The following AVL9 variants were observed in gnomAD, a reference collection of about 807,000 sequenced individuals.
AVL9 encodes late secretory pathway protein AVL9 homolog.
In AVL9, 49 loss-of-function variants were observed where a neutral mutation model predicts 79.2. The observed-to-expected ratio is 0.62, with a 90% CI of 0.49 to 0.79. The LOEUF (loss-of-function observed/expected upper bound fraction) is 0.79, where lower values mean the gene tolerates loss of function less well. Ranked by LOEUF, AVL9 falls within the 30% of genes least tolerant of loss-of-function variation. The pLI, the probability that AVL9 is intolerant of heterozygous loss-of-function variation, is 0.00. For synonymous variants in AVL9, 299 were observed against 280.6 expected, an observed-to-expected ratio of 1.07 and a Z score of -0.65; for missense variants, 682 against 776.8, an observed-to-expected ratio of 0.88 and a Z score of 1.45.
At chr7:32,541,650 T>C (rs1043615181) in intron 1 of AVL9, among the ~76,000 whole-genome samples, 6 of 152,000 alleles carry the variant, frequency 3.9e-5, no homozygotes, top group African/African-American at 1.4e-4. Context: ...GAAACCTGTA[T>C]GATAAATATA....
At chr7:32,540,352 G>A (rs967790687) in intron 1 of AVL9, among the ~76,000 whole-genome samples, 1 of 152,210 alleles carries the variant, frequency 6.6e-6, no homozygotes, top group Admixed American at 6.5e-5. Context: ...AAGATTTTAA[G>A]AAGTGTATGT....
At chr7:32,582,534 C>T (rs192196374) in intron 15 of AVL9, among the ~76,000 whole-genome samples, 39 of 152,224 alleles carry the variant, frequency 2.6e-4, no homozygotes, top group African/African-American at 8.7e-4. Flanking sequence ...AAAAACTATG[C>T]TATATTATAG....
In AVL9 at chr7:32,576,429, C is replaced by T. The variant is rs139954949; in HGVS notation, c.1688+357C>T. Reference sequence around the variant, plus strand: ...CAAGATAGAATCCTAGAAGGAAATACCACTGGTTTACTGCATGAGTAAAAT... The same window carrying T: ...CAAGATAGAATCCTAGAAGGAAATATCACTGGTTTACTGCATGAGTAAAAT... On this transcript the variant is annotated intron_variant, in intron 13 of 15. Coordinates refer to ENST00000318709, the MANE Select transcript of AVL9 (RefSeq NM_015060.3). Among the ~76,000 whole-genome samples the T allele has an allele frequency of 8.5e-5, 13 of 152,288 alleles. No individual in the cohort carries two copies. In the South Asian group the frequency reaches 2.3e-3, roughly 27 times the overall value.
chr7:32,574,713 C>G (rs938503831), intron 12 of AVL9, among the ~76,000 whole-genome samples: 1 of 12,732 alleles, frequency 7.9e-5, no homozygotes, highest in African/African-American at 3.4e-4. Flanking sequence ...AAATGAAGCT[C>G]ACAGAGGTTC....
intron 1 of AVL9, among the ~76,000 whole-genome samples, chr7:32,530,813 G>A (rs1788613162): frequency 6.6e-6 from 1 of 152,116 alleles, no homozygotes; most frequent in East Asian, 1.9e-4. Context: ...AAAATTAGCT[G>A]GGCATGGTGG....
At chr7:32,577,690 A>G (rs1433210308) in intron 13 of AVL9, among the ~76,000 whole-genome samples, 1 of 152,170 alleles carries the variant, frequency 6.6e-6, no homozygotes, top group Non-Finnish European at 1.5e-5. Flanking sequence ...AACCAGCTCT[A>G]TAGATGTTAG....
At chr7:32,562,095 G>A (rs1226072826) in intron 10 of AVL9, among the ~76,000 whole-genome samples, 3 of 152,180 alleles carry the variant, frequency 2.0e-5, no homozygotes, top group Non-Finnish European at 2.9e-5. Flanking sequence ...TAAGGAAAAC[G>A]TGTGAGATGT....
intron 14 of AVL9, 75 bp downstream of exon 14, chr7:32,580,347 ATTGT>A: frequency 2.5e-6 from 3 of 1,205,894 alleles, no homozygotes; most frequent in Non-Finnish European, 3.6e-6. Flanking sequence ...CTAATTGGGA[ATTGT>A]TTTTCTCTAC....
At chr7:32,549,943 A>G (rs1044140433) in intron 4 of AVL9, among the ~76,000 whole-genome samples, 1 of 151,972 alleles carries the variant, frequency 6.6e-6, no homozygotes, top group Non-Finnish European at 1.5e-5. Flanking sequence ...AAGAAAGAAA[A>G]AAAAGAAAAG....
intron 1 of AVL9, among the ~76,000 whole-genome samples, chr7:32,530,423 G>A (rs1260958043): frequency 6.6e-6 from 1 of 152,050 alleles, no homozygotes; most frequent in Non-Finnish European, 1.5e-5. Flanking sequence ...CATATCTGAG[G>A]GCATTTCTGA....
chr7:32,541,744 C>T (rs1789218729), intron 1 of AVL9, among the ~76,000 whole-genome samples: 4 of 149,410 alleles, frequency 2.7e-5, no homozygotes, highest in African/African-American at 7.4e-5. Context: ...GACAGAGTCT[C>T]ACTCTTGTTG....
intron 10 of AVL9, among the ~76,000 whole-genome samples, chr7:32,560,332 TTAAA>T (rs1284616479): frequency 6.6e-6 from 1 of 151,852 alleles, no homozygotes; most frequent in Non-Finnish European, 1.5e-5. Context: ...CAATTAATTA[TTAAA>T]TAATTTTTAA....
At chr7:32,534,139 T>C (rs1788790239) in intron 1 of AVL9, 1 of 152,212 alleles carries the variant, frequency 6.6e-6, no homozygotes, top group South Asian at 2.1e-4. Flanking sequence ...TTTAGAAAAA[T>C]TGCTTTTTTA....
intron 8 of AVL9, among the ~76,000 whole-genome samples, chr7:32,557,027 C>T (rs1562786527): frequency 6.6e-6 from 1 of 152,024 alleles, no homozygotes; most frequent in African/African-American, 2.4e-5. Flanking sequence ...TACTTCACTC[C>T]TAAATAAATA....
At chr7:32,519,755 T>C (rs948253085) in intron 1 of AVL9, among the ~76,000 whole-genome samples, 2 of 152,260 alleles carry the variant, frequency 1.3e-5, no homozygotes, top group Non-Finnish European at 2.9e-5. Context: ...TAGTTCATTC[T>C]TACATTGCTG....
At chr7:32,551,569 G>T (rs1789820102) in intron 5 of AVL9, 146 bp downstream of exon 5, 4 of 227,778 alleles carry the variant, frequency 1.8e-5, no homozygotes, top group African/African-American at 5.3e-5. Flanking sequence ...AACATTGAAA[G>T]ACTAGGAATC....
intron 1 of AVL9, among the ~76,000 whole-genome samples, chr7:32,506,747 A>T (rs936337631): frequency 1.1e-5 from 1 of 94,048 alleles, no homozygotes; most frequent in Non-Finnish European, 2.2e-5. Flanking sequence ...GTCTCTATTT[A>T]AAAAAAAAAA....
At chr7:32,530,921 A>G (rs1248721271) in intron 1 of AVL9, among the ~76,000 whole-genome samples, 3 of 152,054 alleles carry the variant, frequency 2.0e-5, no homozygotes, top group African/African-American at 7.2e-5. Flanking sequence ...ATGCCACTGC[A>G]CTCCAGCCTC....
At chr7:32,558,117 G>A (rs1391775581) in intron 8 of AVL9, among the ~76,000 whole-genome samples, 2 of 151,376 alleles carry the variant, frequency 1.3e-5, no homozygotes, top group Non-Finnish European at 2.9e-5. Context: ...GCCTCCCAAA[G>A]TGCTGGGATT....
Sources: allele counts gnomAD v4.1 joint callset (sites outside exome capture counted in the v4.1 genomes callset), GRCh38; gene constraint gnomAD v4.1.1; transcripts MANE v1.5; gene names NCBI Gene and HGNC (gene_info 2026-07-23, HGNC 2026-07-21).